ZNF277: variants seen among roughly 807,000 people sequenced by gnomAD.
The protein encoded by ZNF277 is zinc finger protein 277, also known as nuclear receptor-interacting factor 4.
ZNF277 carries 55 observed loss-of-function variants against 60.7 expected under a neutral mutation model. The observed-to-expected ratio is 0.91, with a 90% confidence interval of 0.73 to 1.13. The LOEUF (loss-of-function observed/expected upper bound fraction) is 1.13, where lower values mean the gene tolerates loss of function less well. Among genes scored for constraint, ZNF277 ranks in the 50% most tolerant of loss-of-function variants. The pLI, the probability that ZNF277 is intolerant of heterozygous loss-of-function variation, is 0.00. For missense variants in ZNF277, 510 were observed against 523.0 expected (o/e 0.98, Z 0.24); for synonymous variants, 178 against 179.3 (o/e 0.99, Z 0.06).
chr7:112,273,657 T>A (rs1791730431), intron 1 of ZNF277, among the ~76,000 whole-genome samples: 1 of 152,114 alleles, frequency 6.6e-6, no homozygotes, highest in Non-Finnish European at 1.5e-5. Context: ...CATTCTAAAG[T>A]TGTGTTAGGT....
At chr7:112,307,413 A>G (rs975874612) in intron 4 of ZNF277, among the ~76,000 whole-genome samples, 1 of 151,482 alleles carries the variant, frequency 6.6e-6, no homozygotes, top group African/African-American at 2.4e-5. Context: ...TTATGAATTT[A>G]TTTCTTTTTT....
At chr7:112,323,908 G>C (rs1697725690) in intron 5 of ZNF277, among the ~76,000 whole-genome samples, 1 of 152,154 alleles carries the variant, frequency 6.6e-6, no homozygotes, top group African/African-American at 2.4e-5. Flanking sequence ...CAAAAAATGA[G>C]ATCAGAGAGC....
Position 112,206,822 on chromosome 7 carries a change from C to G in ZNF277, c.91+15C>G. ...AGGTTATGGGGGTGAGTACGGTGCC[C>G]CGGAGGCGCGGCTGATGTGTCTTCC... On this transcript the variant is annotated intron_variant, in intron 1 of 11. Transcript: ENST00000361822. 1 of 1,611,522 alleles carries G rather than the reference C, an allele frequency of 6.2e-7. No homozygotes were observed. The highest frequency in any genetic ancestry group is 8.5e-7 in the Non-Finnish European group (1 of 1,178,674).
intron 2 of ZNF277, among the ~76,000 whole-genome samples, chr7:112,295,516 C>T (rs1464095811): frequency 1.3e-5 from 2 of 152,002 alleles, no homozygotes; most frequent in Admixed American, 6.6e-5. Context: ...CCTATTTAAT[C>T]GTTATTGTAT....
intron 1 of ZNF277, among the ~76,000 whole-genome samples, chr7:112,243,062 A>G (rs1044802500): frequency 6.6e-6 from 1 of 152,108 alleles, no homozygotes; most frequent in South Asian, 2.1e-4. Flanking sequence ...TGACAAAAAT[A>G]TACACTACAA....
At chr7:112,307,829 T>C (rs1226278491) in intron 4 of ZNF277, among the ~76,000 whole-genome samples, 1 of 151,954 alleles carries the variant, frequency 6.6e-6, no homozygotes, top group East Asian at 1.9e-4. Context: ...AGATGCTTTT[T>C]TTTCCATTTT....
At chr7:112,276,421 C>T (rs1441236034) in intron 1 of ZNF277, among the ~76,000 whole-genome samples, 1 of 152,108 alleles carries the variant, frequency 6.6e-6, no homozygotes, top group Non-Finnish European at 1.5e-5. Flanking sequence ...AAAGATGCTA[C>T]AAAGCTTAAC....
chr7:112,240,303 G>C (rs1037423740), intron 1 of ZNF277, among the ~76,000 whole-genome samples: 10 of 152,116 alleles, frequency 6.6e-5, no homozygotes, highest in Non-Finnish European at 1.5e-4. Flanking sequence ...ACACAGCAAA[G>C]GGGTGGTTAA....
intron 1 of ZNF277, among the ~76,000 whole-genome samples, chr7:112,255,972 G>T (rs1791298318): frequency 6.6e-6 from 1 of 152,078 alleles, no homozygotes. Context: ...TCTCGACCTT[G>T]CACATACCTT....
chr7:112,280,557 G>A (rs1027554486), intron 1 of ZNF277, among the ~76,000 whole-genome samples: 3 of 152,050 alleles, frequency 2.0e-5, no homozygotes, highest in Non-Finnish European at 4.4e-5. Flanking sequence ...AAGGATAGAC[G>A]TGATTTACTT....
At chr7:112,272,195 T>G (rs1004410451) in intron 1 of ZNF277, among the ~76,000 whole-genome samples, 2 of 152,226 alleles carry the variant, frequency 1.3e-5, no homozygotes, top group African/African-American at 4.8e-5. Context: ...TTTGTCATTT[T>G]GTTCCCGGCT....
At chr7:112,289,738 T>C (rs749334699) in intron 2 of ZNF277, among the ~76,000 whole-genome samples, 2 of 152,198 alleles carry the variant, frequency 1.3e-5, no homozygotes, top group Non-Finnish European at 2.9e-5. Flanking sequence ...TTTTCTTTAA[T>C]ATGAAACCTT....
intron 5 of ZNF277, among the ~76,000 whole-genome samples, chr7:112,323,789 C>G (rs1319133893): frequency 6.6e-6 from 1 of 152,206 alleles, no homozygotes; most frequent in Non-Finnish European, 1.5e-5. Context: ...CCATGCCCCA[C>G]TGTTCCAGAA....
intron 5 of ZNF277, 144 bp downstream of exon 5, chr7:112,318,417 C>G (rs1316050574): frequency 1.6e-6 from 1 of 639,410 alleles, no homozygotes; most frequent in Admixed American, 3.0e-5. Context: ...AAAAATATAC[C>G]CAACGTCCAA....
chr7:112,306,368 C>T (rs1293792539), intron 4 of ZNF277, among the ~76,000 whole-genome samples: 3 of 152,022 alleles, frequency 2.0e-5, no homozygotes, highest in Non-Finnish European at 2.9e-5. Flanking sequence ...GCATGTACCA[C>T]CATGCCCAGC....
intron 2 of ZNF277, among the ~76,000 whole-genome samples, chr7:112,292,129 TC>T (rs1208209237): frequency 6.6e-6 from 1 of 152,192 alleles, no homozygotes; most frequent in Non-Finnish European, 1.5e-5. Flanking sequence ...AGTAATTTCT[TC>T]CCATGTGCAT....
At chr7:112,319,121 C>G (rs1213295204) in intron 5 of ZNF277, among the ~76,000 whole-genome samples, 1 of 151,944 alleles carries the variant, frequency 6.6e-6, no homozygotes, top group Non-Finnish European at 1.5e-5. Context: ...GTTTTGGTGT[C>G]CCAAGTTTTT....
At chr7:112,264,015 T>C (rs977011244) in intron 1 of ZNF277, among the ~76,000 whole-genome samples, 1 of 152,042 alleles carries the variant, frequency 6.6e-6, no homozygotes. Context: ...TTGAAAAATA[T>C]AAACAAAAAC....
At chr7:112,219,350 G>A (rs1002244097) in intron 1 of ZNF277, among the ~76,000 whole-genome samples, 1 of 152,052 alleles carries the variant, frequency 6.6e-6, no homozygotes, top group East Asian at 1.9e-4. Flanking sequence ...TTACAGTTTC[G>A]GGTCTTAGGT....
Sources: allele counts gnomAD v4.1 joint callset (sites outside exome capture counted in the v4.1 genomes callset), GRCh38; gene constraint gnomAD v4.1.1; transcripts MANE v1.5; gene names NCBI Gene and HGNC (gene_info 2026-07-23, HGNC 2026-07-21).